PTPRG: variants seen among roughly 807,000 people sequenced by gnomAD.
PTPRG encodes protein tyrosine phosphatase receptor type G.
In PTPRG, 102 loss-of-function variants were observed where a neutral mutation model predicts 165.3. The ratio of observed to expected loss-of-function variants is 0.62; its 90% CI spans 0.53 to 0.73. The LOEUF is 0.73. Ranked by LOEUF, PTPRG falls within the 30% of genes least tolerant of loss-of-function variation. The pLI, the probability that PTPRG is intolerant of heterozygous loss-of-function variation, is 0.00. For missense variants in PTPRG, 1,866 were observed against 1,861.4 expected (o/e 1.00, Z -0.05); for synonymous variants, 675 against 669.5 (o/e 1.01, Z -0.13).
chr3:62,097,549 C>G (rs943854323), intron 5 of PTPRG, among the ~76,000 whole-genome samples: 2 of 152,142 alleles, frequency 1.3e-5, no homozygotes, highest in African/African-American at 4.8e-5. Context: ...CTCATTCACC[C>G]TTCCCCAAGT....
rs1182641936 is a variant in PTPRG at position 62,195,092 on chromosome 3, A to T, written c.1249A>T (p.Ser417Cys). ...KATISHVSPD[S>C]LYLFRVQAVC... Reference sequence around the variant, plus strand: ...CACCATTAGCCATGTCTCACCCGATAGCCTTTACCTGTTCCGAGTCCAGGC... The same window carrying T: ...CACCATTAGCCATGTCTCACCCGATTGCCTTTACCTGTTCCGAGTCCAGGC... The change falls in exon 10 of 30, where the codon AGC (serine) becomes TGC (cysteine). Residue 417 changes from serine (S) to cysteine (C), a missense_variant. Ser to Cys is a moderately radical substitution (Grantham distance 112). Coordinates refer to ENST00000474889, the MANE Select transcript of PTPRG (RefSeq NM_002841.4). This position sits in a 1 kb window ranked among gnomAD's most constrained non-coding sequence, Gnocchi z 4.4. The T allele has an allele frequency of 2.5e-6, 4 of 1,614,086 alleles. No individual in the cohort carries two copies. The African/African-American group carries it at 5.3e-5, about 22-fold the overall frequency.
intron 2 of PTPRG, among the ~76,000 whole-genome samples, chr3:61,756,774 A>G (rs1275293920): frequency 6.6e-6 from 1 of 152,196 alleles, no homozygotes; most frequent in Non-Finnish European, 1.5e-5. Flanking sequence ...TGTTGTTATC[A>G]AGTGGTACAT....
chr3:61,990,629 C>T (rs2040861623), intron 3 of PTPRG, among the ~76,000 whole-genome samples: 1 of 152,222 alleles, frequency 6.6e-6, no homozygotes, highest in Non-Finnish European at 1.5e-5. Flanking sequence ...TGTTATATTA[C>T]ATCTCTGCTT....
intron 12 of PTPRG, among the ~76,000 whole-genome samples, chr3:62,206,330 A>G (rs1455143148): frequency 6.6e-6 from 1 of 152,160 alleles, no homozygotes; most frequent in African/African-American, 2.4e-5. Flanking sequence ...ATCTGAGAGC[A>G]TCTACAATCT....
chr3:61,673,857 C>G (rs1363713707), intron 1 of PTPRG, among the ~76,000 whole-genome samples: 1 of 152,046 alleles, frequency 6.6e-6, no homozygotes, highest in African/African-American at 2.4e-5. Flanking sequence ...TTGGCTTTGT[C>G]CATAAAAACG....
At position 62,182,104 on chromosome 3, in the gene PTPRG, G is replaced by C. The variant is rs146995339; in HGVS notation, c.1034-9365G>C. 1.5e-3 allele frequency among the ~76,000 whole-genome samples: 232 copies of C among 152,272 alleles called. 1 individual carries two copies. In the Middle Eastern group the frequency reaches 0.065, roughly 42 times the overall value. On this transcript the variant is annotated intron_variant, in intron 8 of 29. Transcript: ENST00000474889. ...ATAAGGAAGAGAAAATGTATTTACT[G>C]TTCATTAAATGGGAGTGGATCATCA...
At chr3:62,166,033 A>G (rs891265688) in intron 7 of PTPRG, among the ~76,000 whole-genome samples, 1 of 152,042 alleles carries the variant, frequency 6.6e-6, no homozygotes, top group Non-Finnish European at 1.5e-5. Flanking sequence ...CAATGCACAG[A>G]GAGCATCTTT....
At chr3:61,852,236 TTTTG>T (rs1391318481) in intron 2 of PTPRG, among the ~76,000 whole-genome samples, 2 of 152,230 alleles carry the variant, frequency 1.3e-5, no homozygotes, top group Non-Finnish European at 1.5e-5. Context: ...AAGGAGACAT[TTTTG>T]TTTGTTTGCT....
chr3:61,922,505 C>T (rs968796173), intron 2 of PTPRG, among the ~76,000 whole-genome samples: 8 of 152,102 alleles, frequency 5.3e-5, no homozygotes, highest in African/African-American at 1.4e-4. Context: ...TACGCTTGTG[C>T]GCGTTTGTTA....
chr3:62,287,890 C>G (rs748743907), intron 28 of PTPRG, among the ~76,000 whole-genome samples: 94 of 152,144 alleles, frequency 6.2e-4, no homozygotes, highest in Middle Eastern at 6.8e-3. Context: ...TACATTCCCC[C>G]AAAACAGATA....
At chr3:62,264,496 T>A (rs1701800766) in intron 17 of PTPRG, among the ~76,000 whole-genome samples, 2 of 152,136 alleles carry the variant, frequency 1.3e-5, no homozygotes, top group Admixed American at 1.3e-4. Flanking sequence ...ACCTTCTGTC[T>A]CTGTGGTTTT....
chr3:61,614,418 C>CTTTTTTTT (rs550755163), intron 1 of PTPRG, among the ~76,000 whole-genome samples: 30 of 117,676 alleles, frequency 2.5e-4, no homozygotes, highest in African/African-American at 4.5e-4. Context: ...TTAATAATAC[C>CTTTTTTTT]TTTTTTTTTT....
At chr3:61,920,389 T>A (rs538671625) in intron 2 of PTPRG, among the ~76,000 whole-genome samples, 1 of 152,322 alleles carries the variant, frequency 6.6e-6, no homozygotes, top group South Asian at 2.1e-4. Context: ...AGATTTTTTT[T>A]AAGACTTTTT....
At chr3:61,802,086 T>G (rs923745168) in intron 2 of PTPRG, among the ~76,000 whole-genome samples, 3 of 151,392 alleles carry the variant, frequency 2.0e-5, no homozygotes, top group African/African-American at 7.3e-5. Flanking sequence ...ACTAGCTCCA[T>G]TATTTGTGCA....
At chr3:61,925,946 A>C in intron 2 of PTPRG, 1 of 480,940 alleles carries the variant, frequency 2.1e-6, no homozygotes, top group Non-Finnish European at 4.2e-6. Context: ...GCTCCTGGCT[A>C]TTCCTAGCCT....
At chr3:62,251,538 G>A (rs1298297616) in intron 15 of PTPRG, among the ~76,000 whole-genome samples, 1 of 152,044 alleles carries the variant, frequency 6.6e-6, no homozygotes, top group Non-Finnish European at 1.5e-5. Context: ...TAGGAGACTG[G>A]GGTGGGAGGA....
intron 12 of PTPRG, among the ~76,000 whole-genome samples, chr3:62,212,102 C>A (rs1700372669): frequency 6.6e-6 from 1 of 152,058 alleles, no homozygotes; most frequent in South Asian, 2.1e-4. Context: ...TTACCTTCCT[C>A]CTGCATACGC....
At chr3:62,160,864 ATTTT>A (rs5849464) in intron 7 of PTPRG, among the ~76,000 whole-genome samples, 28 of 103,984 alleles carry the variant, frequency 2.7e-4, no homozygotes, top group African/African-American at 8.3e-4. Context: ...TAGATGTGTG[ATTTT>A]TTTTTTTTTT....
chr3:62,208,499 T>A (rs1275256221), intron 12 of PTPRG, among the ~76,000 whole-genome samples: 1 of 152,142 alleles, frequency 6.6e-6, no homozygotes, highest in Non-Finnish European at 1.5e-5. Context: ...TTGCTGAAGG[T>A]TTACTGACTG....
Sources: gnomAD v4.1 joint callset for allele counts (sites outside exome capture counted in the v4.1 genomes callset) on GRCh38, gnomAD v4.1.1 for gene constraint, Gnocchi (gnomAD v3.1) non-coding constraint, MANE v1.5 for transcripts, NCBI Gene and HGNC (gene_info 2026-07-23, HGNC 2026-07-21) for gene names.